CNTN3: variants seen among roughly 807,000 people sequenced by gnomAD.
The protein encoded by CNTN3 is contactin 3, also known as contactin-3.
In CNTN3, 60 loss-of-function variants were observed where a neutral mutation model predicts 119.1. The observed-to-expected ratio is 0.50, with a 90% confidence interval of 0.41 to 0.62. The LOEUF (loss-of-function observed/expected upper bound fraction) is 0.62. Among genes scored for constraint, CNTN3 ranks in the 20% least tolerant of loss-of-function variants. CNTN3 has a pLI of 0.00. For missense variants in CNTN3, 1,101 were observed against 1,242.4 expected, an observed-to-expected ratio of 0.89 and a Z score of 1.71; for synonymous variants, 450 against 438.7, an observed-to-expected ratio of 1.03 and a Z score of -0.32.
chr3:74,604,209 C>T (rs1704957311), intron 1 of CNTN3, among the ~76,000 whole-genome samples: 1 of 152,110 alleles, frequency 6.6e-6, no homozygotes, highest in South Asian at 2.1e-4. Flanking sequence ...CATAAAACTA[C>T]TAGAAGGAAG....
chr3:74,512,692 CAAAAAAAAAAA>C (rs66822650), intron 2 of CNTN3, among the ~76,000 whole-genome samples: 5 of 85,260 alleles, frequency 5.9e-5, no homozygotes, highest in African/African-American at 1.4e-4. Context: ...CATAATCAAG[CAAAAAAAAAAA>C]AAAAAAAAAA....
At chr3:74,524,634 C>CACACACCTCATTAT (rs1703589810) in intron 1 of CNTN3, among the ~76,000 whole-genome samples, 1 of 151,736 alleles carries the variant, frequency 6.6e-6, no homozygotes, top group Non-Finnish European at 1.5e-5. Flanking sequence ...GGCAGATAGG[C>CACACACCTCATTAT]TTGTGAGTAG....
At chr3:74,526,377 T>A (rs1360157586) in intron 1 of CNTN3, among the ~76,000 whole-genome samples, 2 of 151,648 alleles carry the variant, frequency 1.3e-5, no homozygotes, top group African/African-American at 4.8e-5. Flanking sequence ...GGTAGTCAAC[T>A]AGTTAATGAG....
intron 5 of CNTN3, among the ~76,000 whole-genome samples, chr3:74,378,351 T>C (rs1396340791): frequency 6.6e-6 from 1 of 152,226 alleles, no homozygotes; most frequent in African/African-American, 2.4e-5. Flanking sequence ...TTCGTTGCAT[T>C]ATCTTTTAAA....
intron 4 of CNTN3, among the ~76,000 whole-genome samples, chr3:74,454,727 C>T (rs1702232602): frequency 6.6e-6 from 1 of 151,988 alleles, no homozygotes; most frequent in South Asian, 2.1e-4. Context: ...AATCTCTCAG[C>T]ATTTGCTTGT....
intron 11 of CNTN3, among the ~76,000 whole-genome samples, chr3:74,356,956 C>T (rs375232377): frequency 1.3e-5 from 2 of 152,246 alleles, no homozygotes; most frequent in South Asian, 2.1e-4. Context: ...AGGAGTCTCG[C>T]TCTGTCGCCC....
intron 13 of CNTN3, among the ~76,000 whole-genome samples, chr3:74,309,989 T>A (rs1425428833): frequency 1.3e-5 from 2 of 152,232 alleles, no homozygotes; most frequent in Non-Finnish European, 2.9e-5. Context: ...TATAGATACA[T>A]ACATAAATTT....
intron 2 of CNTN3, among the ~76,000 whole-genome samples, chr3:74,509,230 T>A (rs758478484): frequency 2.4e-4 from 37 of 152,228 alleles, no homozygotes; most frequent in Non-Finnish European, 5.1e-4. Context: ...AGGCCCAGTA[T>A]TACACACTTT....
chr3:74,515,338 T>C (rs1329870312), intron 2 of CNTN3, among the ~76,000 whole-genome samples: 3 of 152,062 alleles, frequency 2.0e-5, no homozygotes, highest in Non-Finnish European at 4.4e-5. Flanking sequence ...TCATTACTTG[T>C]ATGCAAGCTT....
chr3:74,326,784 C>T (rs537700643), intron 13 of CNTN3, among the ~76,000 whole-genome samples: 17 of 152,160 alleles, frequency 1.1e-4, no homozygotes, highest in Non-Finnish European at 2.4e-4. Flanking sequence ...TCCTTATTTT[C>T]ATAGTCACCT....
intron 21 of CNTN3, 58 bp downstream of exon 21, chr3:74,267,208 C>A (rs1416355828): frequency 7.6e-6 from 8 of 1,048,988 alleles, no homozygotes; most frequent in Non-Finnish European, 1.2e-5. Context: ...TACCTAGCTT[C>A]TCTTGAAAAG....
At position 74,499,784 on chromosome 3, in the gene CNTN3, A is replaced by C. The variant is rs765617781; in HGVS notation, c.57T>G (p.Gly19=). Residue 19 remains glycine, a splice_region_variant and synonymous_variant, in exon 3 of 23, where the codon GGT becomes GGG. Transcript: ENST00000263665. ...ATACAGGGCCTTGTAAGAGAAGCTC[A>C]CCTATATGGGTGGGAGACATCCAAA... ...ILLSFIGCLG[G]ELLLQGPVFI... 1.2e-6 allele frequency: 2 copies of C among 1,600,626 alleles called. No individual in the cohort carries two copies. Among genetic ancestry groups the C allele is most frequent in the Admixed American group, 1.8e-5 (1 of 57,012 alleles).
chr3:74,289,705 C>A (rs1702186363), intron 19 of CNTN3, among the ~76,000 whole-genome samples: 1 of 152,208 alleles, frequency 6.6e-6, no homozygotes, highest in African/African-American at 2.4e-5. Flanking sequence ...TCTATTTTAA[C>A]TGAGCCTTGG....
At position 74,458,820 on chromosome 3, in the gene CNTN3, T is replaced by C. The variant is rs552921022; in HGVS notation, c.358+27636A>G. On this transcript the variant is annotated intron_variant, in intron 4 of 22. Transcript: ENST00000263665. Reference sequence around the variant, plus strand: ...ATCTATACACTAAATGGTGTGAATGTTTACATATAAAATTAAGAAAACAAA... The same window carrying C: ...ATCTATACACTAAATGGTGTGAATGCTTACATATAAAATTAAGAAAACAAA... Among the ~76,000 whole-genome samples the C allele has an allele frequency of 6.6e-5, 10 of 152,130 alleles. No homozygotes were observed. The East Asian group carries it at 1.7e-3, about 27-fold the overall frequency.
chr3:74,474,805 A>C (rs1228736987), intron 4 of CNTN3, among the ~76,000 whole-genome samples: 1 of 152,146 alleles, frequency 6.6e-6, no homozygotes, highest in Non-Finnish European at 1.5e-5. Context: ...GAAATGGCTT[A>C]GGATCATCCC....
intron 4 of CNTN3, among the ~76,000 whole-genome samples, chr3:74,485,166 T>A (rs1413784186): frequency 6.6e-6 from 1 of 151,790 alleles, no homozygotes; most frequent in African/African-American, 2.4e-5. Context: ...TACATTAAAA[T>A]AACATAATTT....
intron 4 of CNTN3, among the ~76,000 whole-genome samples, chr3:74,458,787 A>T (rs551644586): frequency 6.6e-6 from 1 of 152,088 alleles, no homozygotes; most frequent in African/African-American, 2.4e-5. Context: ...ATTTGTCAAC[A>T]CTCATAGATC....
intron 1 of CNTN3, among the ~76,000 whole-genome samples, chr3:74,600,608 A>G (rs1244291704): frequency 6.6e-6 from 1 of 151,936 alleles, no homozygotes; most frequent in Non-Finnish European, 1.5e-5. Context: ...CCCAGATCCA[A>G]CCCCCCAGTG....
chr3:74,601,675 C>T (rs751941363), intron 1 of CNTN3, among the ~76,000 whole-genome samples: 5 of 152,024 alleles, frequency 3.3e-5, no homozygotes, highest in Non-Finnish European at 7.4e-5. Context: ...TTTATGCTTT[C>T]GGTCATGTGA....
Sources: gnomAD v4.1 joint callset for allele counts (sites outside exome capture counted in the v4.1 genomes callset) on GRCh38, gnomAD v4.1.1 for gene constraint, MANE v1.5 for transcripts, NCBI Gene and HGNC (gene_info 2026-07-23, HGNC 2026-07-21) for gene names.